ITGA8: variants seen among roughly 807,000 people sequenced by gnomAD.
ITGA8 encodes integrin subunit alpha 8.
ITGA8 carries 91 observed loss-of-function variants against 142.3 expected under a neutral mutation model. The ratio of observed to expected loss-of-function variants is 0.64; its 90% CI spans 0.54 to 0.76. The LOEUF is 0.76. Among genes scored for constraint, ITGA8 ranks in the 30% least tolerant of loss-of-function variants. The pLI, the probability that ITGA8 is intolerant of heterozygous loss-of-function variation, is 0.00. For synonymous variants in ITGA8, 505 were observed against 485.2 expected, an observed-to-expected ratio of 1.04 and a Z score of -0.54; for missense variants, 1,406 against 1,327.7, an observed-to-expected ratio of 1.06 and a Z score of -0.92.
chr10:15,550,311 GA>G (rs771775128), intron 26 of ITGA8, among the ~76,000 whole-genome samples: 14 of 152,148 alleles, frequency 9.2e-5, no homozygotes, highest in Non-Finnish European at 1.6e-4. Flanking sequence ...TCAGCAGCGT[GA>G]AAATGGACCA....
At chr10:15,709,320 A>G (rs1835320719) in intron 2 of ITGA8, among the ~76,000 whole-genome samples, 1 of 152,240 alleles carries the variant, frequency 6.6e-6, no homozygotes, top group Non-Finnish European at 1.5e-5. Context: ...ATTGTTGGCA[A>G]GTGTGTTGAC....
chr10:15,631,040 T>C (rs1833676414), intron 13 of ITGA8, among the ~76,000 whole-genome samples: 1 of 152,044 alleles, frequency 6.6e-6, no homozygotes, highest in Admixed American at 6.5e-5. Context: ...CTTGTAAATT[T>C]ATTTAAGTTC....
At position 15,708,014 on chromosome 10, in the gene ITGA8, G is replaced by C. The variant is rs190612250; in HGVS notation, c.343+10752C>G. Among the ~76,000 whole-genome samples the C allele has an allele frequency of 3.6e-3, 514 of 144,338 alleles. 4 individuals carry two copies. Among genetic ancestry groups the C allele is most frequent in the African/African-American group, 0.013 (495 of 39,098 alleles). The allele number at this position is 144,338 out of a possible 152,430, so 94.7% of individuals were successfully genotyped here. A position where few individuals can be genotyped will look rare whatever the true frequency, so the allele number is the denominator to read the frequency against. On this transcript the variant is annotated intron_variant, in intron 2 of 29. Transcript: ENST00000378076. ...CACACACACCATTCTCTGTCCTCTT[G>C]ACCTTCGCTTTCTTTTCTTCCACTT...
At chr10:15,594,105 G>T (rs979291321) in intron 21 of ITGA8, among the ~76,000 whole-genome samples, 4 of 152,082 alleles carry the variant, frequency 2.6e-5, no homozygotes, top group Non-Finnish European at 5.9e-5. Flanking sequence ...CTCCCCAAGT[G>T]CTGGGGTTAC....
At chr10:15,652,719 A>G (rs1404647243) in intron 11 of ITGA8, among the ~76,000 whole-genome samples, 2 of 152,232 alleles carry the variant, frequency 1.3e-5, no homozygotes, top group African/African-American at 2.4e-5. Context: ...TCAGGATAAG[A>G]TTGACATTCA....
intron 15 of ITGA8, among the ~76,000 whole-genome samples, chr10:15,612,328 G>C (rs1427428834): frequency 6.6e-6 from 1 of 152,110 alleles, no homozygotes; most frequent in Admixed American, 6.5e-5. Flanking sequence ...TCAACAACAT[G>C]TTAAAATTGG....
intron 8 of ITGA8, among the ~76,000 whole-genome samples, chr10:15,662,344 T>TC (rs1834304718): frequency 7.6e-6 from 1 of 131,404 alleles, no homozygotes; most frequent in Admixed American, 7.9e-5. Flanking sequence ...TTTTTTTTTT[T>TC]TTTTTTTTTT....
intron 21 of ITGA8, chr10:15,596,887 T>C (rs947041317): frequency 4.1e-6 from 1 of 241,800 alleles, no homozygotes; most frequent in African/African-American, 2.2e-5. Flanking sequence ...CATTTCTTTT[T>C]GAATTCAAAG....
rs750386583 is a variant in ITGA8, at chr10:15,607,748, G to A, written c.1693C>T (p.His565Tyr). ...RTLFLDNHQA[H>Y]RVFPLVIKRQ... The stretch of plus-strand genomic sequence containing the variant: ...TTTATCACAAGAGGGAAGACGCGAT[G>A]AGCCTGATGGTTATCAAGGAAGAGC... Residue 565 changes from histidine (H) to tyrosine (Y), a missense_variant, in exon 17 of 30, where the codon CAT becomes TAT. Physicochemically the swap from His to Tyr is moderately conservative, Grantham distance 83. Transcript: ENST00000378076. 2.5e-6 allele frequency: 4 copies of A among 1,612,982 alleles called. No homozygotes were observed.
chr10:15,642,222 C>T (rs1315075297), intron 13 of ITGA8, among the ~76,000 whole-genome samples: 2 of 152,188 alleles, frequency 1.3e-5, no homozygotes, highest in African/African-American at 4.8e-5. Context: ...TAAATTTTTT[C>T]TCCCTGAAGG....
At chr10:15,669,057 T>A (rs561153551) in intron 8 of ITGA8, among the ~76,000 whole-genome samples, 2 of 152,324 alleles carry the variant, frequency 1.3e-5, no homozygotes, top group Admixed American at 6.5e-5. Context: ...TGAATTTGAA[T>A]GTTGGCCTGC....
chr10:15,640,167 C>T (rs1833845177), intron 13 of ITGA8, among the ~76,000 whole-genome samples: 1 of 152,242 alleles, frequency 6.6e-6, no homozygotes, highest in African/African-American at 2.4e-5. Flanking sequence ...TGACAACCTC[C>T]ACCTGGCAAC....
intron 29 of ITGA8, among the ~76,000 whole-genome samples, chr10:15,518,535 G>A (rs1833003830): frequency 6.6e-6 from 1 of 152,190 alleles, no homozygotes; most frequent in African/African-American, 2.4e-5. Flanking sequence ...CAAAATAAAA[G>A]CGCACTATGA....
chr10:15,575,486 T>C lies in ITGA8; in HGVS notation c.2478+3A>G, dbSNP rs926658186. On this transcript the variant is annotated splice_donor_region_variant and intron_variant, in intron 24 of 29. Coordinates refer to ENST00000378076, the MANE Select transcript of ITGA8 (RefSeq NM_003638.3). ...ACACAACTTTAACACAGACAATGGC[T>C]ACCTCATAAATATGTTCCACCAATG... 6.2e-7 allele frequency: 1 copy of C among 1,602,298 alleles called. No homozygotes were observed. The highest frequency in any genetic ancestry group is 1.3e-5 in the African/African-American group (1 of 74,814).
intron 2 of ITGA8, among the ~76,000 whole-genome samples, chr10:15,704,412 G>T (rs1454985514): frequency 6.6e-6 from 1 of 152,066 alleles, no homozygotes; most frequent in Admixed American, 6.5e-5. Flanking sequence ...TTCCAGAGTT[G>T]TTTCTCAAAT....
intron 2 of ITGA8, among the ~76,000 whole-genome samples, chr10:15,692,560 A>T (rs1234111300): frequency 1.3e-5 from 2 of 152,138 alleles, no homozygotes; most frequent in Admixed American, 1.3e-4. Context: ...GATTCTGCCT[A>T]CTCTGAATAA....
chr10:15,705,131 A>G (rs1307865286), intron 2 of ITGA8, among the ~76,000 whole-genome samples: 4 of 152,212 alleles, frequency 2.6e-5, no homozygotes, highest in South Asian at 2.1e-4. Flanking sequence ...ATTCTATGGG[A>G]GATCTTCTTA....
At chr10:15,661,064 C>T in intron 8 of ITGA8, 142 bp from the exon 9 acceptor site, 2 of 713,542 alleles carry the variant, frequency 2.8e-6, no homozygotes, top group Non-Finnish European at 4.8e-6. Context: ...AAGCCCCAGG[C>T]CATCAACCAG....
intron 8 of ITGA8, among the ~76,000 whole-genome samples, chr10:15,669,497 C>A (rs1204218116): frequency 3.9e-5 from 6 of 152,190 alleles, no homozygotes; most frequent in Non-Finnish European, 7.3e-5. Flanking sequence ...GTTTGATCTT[C>A]TGAAGCCTTC....
Sources: allele counts gnomAD v4.1 joint callset (sites outside exome capture counted in the v4.1 genomes callset), GRCh38; gene constraint gnomAD v4.1.1; transcripts MANE v1.5; gene names NCBI Gene and HGNC (gene_info 2026-07-23, HGNC 2026-07-21).